Variants in RASSF1 observed in about 807,000 individuals in gnomAD.
RASSF1 encodes ras association domain-containing protein 1.
RASSF1 carries 33 observed loss-of-function variants against 34.3 expected under a neutral mutation model. That is an observed-to-expected ratio of 0.96 (90% CI 0.73 to 1.29). RASSF1 has a LOEUF of 1.29. Among genes scored for constraint, RASSF1 ranks in the 50% most tolerant of loss-of-function variants. The probability of loss-of-function intolerance (pLI) is 0.00; values close to 1 mark genes in which losing one functional copy is unlikely to be tolerated. For missense variants in RASSF1, 445 were observed against 471.8 expected, an observed-to-expected ratio of 0.94 and a Z score of 0.53; for synonymous variants, 191 against 195.0, an observed-to-expected ratio of 0.98 and a Z score of 0.17.
At chr3:50,333,627 C>T (rs587694923) in intron 2 of RASSF1, among the ~76,000 whole-genome samples, 3 of 152,240 alleles carry the variant, frequency 2.0e-5, no homozygotes, top group East Asian at 1.9e-4. Flanking sequence ...CAGGCGCGTG[C>T]CACAACAACA....
At chr3:50,335,630 T>G (rs1157509601) in intron 2 of RASSF1, among the ~76,000 whole-genome samples, 1 of 152,130 alleles carries the variant, frequency 6.6e-6, no homozygotes. Flanking sequence ...TCTTTCTTTT[T>G]TTTGAGACAG....
rs1553718101 is a variant in RASSF1 at position 50,330,367 on chromosome 3, CA to C, written c.*213del. On this transcript the variant is annotated 3_prime_UTR_variant, in exon 6 of 6. Coordinates refer to ENST00000359365, the MANE Select transcript of RASSF1 (RefSeq NM_007182.5). This position sits in a 1 kb window ranked among gnomAD's most constrained non-coding sequence, Gnocchi z 4.5. ...AGGGCAGCCCTGGCCCACTAAGGCC[CA>C]GTAATGAGGGCAGAGGGGTGCAGAG... The C allele has an allele frequency of 9.6e-6, 6 of 627,602 alleles. No homozygotes were observed. The highest frequency in any genetic ancestry group is 1.6e-5 in the Non-Finnish European group (6 of 378,092). The allele number at this position is 627,602 out of a possible 1,614,324, so 38.9% of individuals were successfully genotyped here.
chr3:50,332,025 C>G (rs1202442666), intron 3 of RASSF1, 25 bp downstream of exon 3: 3 of 1,609,220 alleles, frequency 1.9e-6, no homozygotes, highest in Non-Finnish European at 2.6e-6. Context: ...CCTCCCCACG[C>G]CCCCTTCCTG....
chr3:50,338,103 T>A, intron 1 of RASSF1, 92 bp from the exon 2 acceptor site: 1 of 1,511,442 alleles, frequency 6.6e-7, no homozygotes, highest in Non-Finnish European at 8.9e-7. Context: ...GGGCCGCTGC[T>A]CGCCAGGCTC....
Position 50,330,810 on chromosome 3 carries a change from C to T in RASSF1, c.877-83G>A. 6.9e-7 allele frequency: 1 copy of T among 1,440,118 alleles called. No individual in the cohort carries two copies. Among genetic ancestry groups the T allele is most frequent in the Non-Finnish European group, 9.5e-7 (1 of 1,052,132 alleles). 89.2% of individuals were successfully genotyped at this position (1,440,118 alleles called of 1,614,324 possible). A position where few individuals can be genotyped will look rare whatever the true frequency, so the allele number is the denominator to read the frequency against. ...CCCTCCCCAGAGAAGACTAGCACCTCATGTTCACACAAGCTAGGACTGGGC... is the reference window on the plus strand; with the variant it reads ...CCCTCCCCAGAGAAGACTAGCACCTTATGTTCACACAAGCTAGGACTGGGC... On this transcript the variant is annotated intron_variant, in intron 5 of 5. Coordinates refer to ENST00000359365, the MANE Select transcript of RASSF1 (RefSeq NM_007182.5). This position sits in a 1 kb window ranked among gnomAD's most constrained non-coding sequence, Gnocchi z 4.5.
intron 5 of RASSF1, 23 bp downstream of exon 5, chr3:50,331,311 G>C: frequency 6.7e-7 from 1 of 1,495,892 alleles, no homozygotes; most frequent in Non-Finnish European, 9.1e-7. Context: ...TGACAACCAA[G>C]AAACTAAGAA....
At chr3:50,338,650 C>T (rs1294646911) in intron 1 of RASSF1, among the ~76,000 whole-genome samples, 1 of 152,196 alleles carries the variant, frequency 6.6e-6, no homozygotes, top group Non-Finnish European at 1.5e-5. Flanking sequence ...CTTTAACCTA[C>T]GTCTGCCCTG....
chr3:50,331,559 C>T lies in RASSF1; in HGVS notation c.760G>A (p.Val254Met), dbSNP rs999093569. The T allele has an allele frequency of 1.3e-6, 2 of 1,586,374 alleles. No homozygotes were observed. Among genetic ancestry groups the T allele is most frequent in the African/African-American group, 2.7e-5 (2 of 74,384 alleles). ...LFERAERHGQ[V>M]YLRKLLDDEQ... ...GGGCAGGGTGGGGTGGGAAGCCCACCTTGGCCGTGACGCTCAGCGCGCTCA... is the reference window on the plus strand; with the variant it reads ...GGGCAGGGTGGGGTGGGAAGCCCACTTTGGCCGTGACGCTCAGCGCGCTCA... The change falls in exon 4 of 6, where the codon GTG becomes ATG. Residue 254 changes from valine to methionine, a missense_variant and splice_region_variant. Physicochemically the swap from Val to Met is conservative, Grantham distance 21 (BLOSUM62 1). Transcript: ENST00000359365.
intron 2 of RASSF1, chr3:50,337,113 G>T: frequency 6.6e-7 from 1 of 1,505,262 alleles, no homozygotes; most frequent in Non-Finnish European, 8.9e-7. Flanking sequence ...AACGGACCGG[G>T]GAGGGCGGAG....
At chr3:50,338,691 C>T (rs890575929) in intron 1 of RASSF1, among the ~76,000 whole-genome samples, 6 of 152,298 alleles carry the variant, frequency 3.9e-5, no homozygotes, top group Admixed American at 3.3e-4. Context: ...TCCCCTCAGA[C>T]CAAGACACTG....
intron 1 of RASSF1, chr3:50,338,262 C>T: frequency 8.1e-7 from 1 of 1,234,178 alleles, no homozygotes; most frequent in Non-Finnish European, 1.0e-6. Flanking sequence ...CAGAACTTCC[C>T]CTTTCCTCAT....
At chr3:50,337,388 G>C in intron 2 of RASSF1, 3 of 1,591,910 alleles carry the variant, frequency 1.9e-6, no homozygotes, top group Non-Finnish European at 1.7e-6. Flanking sequence ...TCGCGTGCGT[G>C]CGTGTACGCG....
At chr3:50,338,703 T>G (rs888493841) in intron 1 of RASSF1, among the ~76,000 whole-genome samples, 2 of 152,008 alleles carry the variant, frequency 1.3e-5, no homozygotes, top group Admixed American at 1.3e-4. Context: ...AAGACACTGG[T>G]CTCTATACAC....
Position 50,340,638 on chromosome 3 carries a change from G to T in RASSF1, c.168C>A (p.Pro56=). ...LVPGRGHRFQ[P]AGPATHTWCD... ...ACCACGTGTGCGTGGCGGGCCCCGC[G>T]GGCTGGAAGCGGTGGCCACGGCCAG... Residue 56 remains proline, a synonymous_variant, in exon 1 of 6, where the codon CCC becomes CCA. Transcript: ENST00000359365. 1 of 1,524,980 alleles carries T rather than the reference G, an allele frequency of 6.6e-7. No homozygotes were observed. Among genetic ancestry groups the T allele is most frequent in the East Asian group, 2.7e-5 (1 of 37,720 alleles). The allele number at this position is 1,524,980 out of a possible 1,614,324, so 94.5% of individuals were successfully genotyped here.
chr3:50,337,716 TGGAG>T, intron 2 of RASSF1, 185 bp downstream of exon 2: 1 of 832,562 alleles, frequency 1.2e-6, no homozygotes, highest in South Asian at 1.8e-5. Flanking sequence ...TTGCAGCGGG[TGGAG>T]TACTTGCGGA....
chr3:50,330,784 A>C lies in RASSF1; in HGVS notation c.877-57T>G. Reference sequence around the variant, plus strand: ...GCAGAAGGGATGGCCAAGCCAGCAGACCCTCCCCAGAGAAGACTAGCACCT... The same window carrying C: ...GCAGAAGGGATGGCCAAGCCAGCAGCCCCTCCCCAGAGAAGACTAGCACCT... On this transcript the variant is annotated intron_variant, in intron 5 of 5. Transcript: ENST00000359365. The surrounding 1 kb of genome is among the most constrained non-coding windows in gnomAD (Gnocchi z 4.5). 6.4e-7 allele frequency: 1 copy of C among 1,568,098 alleles called. No homozygotes were observed. The highest frequency in any genetic ancestry group is 8.7e-7 in the Non-Finnish European group (1 of 1,146,642).
chr3:50,334,044 C>T lies in RASSF1; in HGVS notation c.358-1890G>A, dbSNP rs587671145. 2.6e-5 allele frequency among the ~76,000 whole-genome samples: 4 copies of T among 152,318 alleles called. No individual in the cohort carries two copies. The South Asian group carries it at 8.3e-4, about 32-fold the overall frequency. Reference sequence around the variant, plus strand: ...CCCACAAGGTTTCCTGTAGAATGATCTTGTGCCTAGCCCAGGAGAGCCAGG... The same window carrying T: ...CCCACAAGGTTTCCTGTAGAATGATTTTGTGCCTAGCCCAGGAGAGCCAGG... On this transcript the variant is annotated intron_variant, in intron 2 of 5. Transcript: ENST00000359365.
chr3:50,331,272 T>C (rs145252207), intron 5 of RASSF1, 62 bp downstream of exon 5: 3 of 1,273,086 alleles, frequency 2.4e-6, no homozygotes, highest in African/African-American at 1.5e-5. Context: ...CAAGCCTTAC[T>C]GTAGCTACAG....
intron 1 of RASSF1, 138 bp from the exon 2 acceptor site, chr3:50,338,149 C>A: frequency 6.9e-7 from 1 of 1,453,158 alleles, no homozygotes; most frequent in Non-Finnish European, 9.1e-7. Context: ...TTACCTCACA[C>A]TGCTACGCGG....
Sources: allele counts gnomAD v4.1 joint callset (sites outside exome capture counted in the v4.1 genomes callset), GRCh38; gene constraint gnomAD v4.1.1; non-coding constraint Gnocchi (gnomAD v3.1); transcripts MANE v1.5; gene names NCBI Gene and HGNC (gene_info 2026-07-23, HGNC 2026-07-21).